GPC5: variants seen among roughly 807,000 people sequenced by gnomAD.
The protein encoded by GPC5 is glypican-5.
A neutral mutation model predicts 53.9 loss-of-function variants in GPC5; 47 were observed. The ratio of observed to expected loss-of-function variants is 0.87; its 90% CI spans 0.69 to 1.11. GPC5 has a LOEUF of 1.11. Ranked by LOEUF, GPC5 falls within the 50% of genes most tolerant of loss-of-function variation. The pLI is 0.00. For missense variants in GPC5, 748 were observed against 713.1 expected (o/e 1.05, Z -0.56); for synonymous variants, 286 against 263.3 (o/e 1.09, Z -0.84).
intron 2 of GPC5, among the ~76,000 whole-genome samples, chr13:91,622,621 G>A (rs983203631): frequency 6.6e-6 from 1 of 152,070 alleles, no homozygotes; most frequent in Non-Finnish European, 1.5e-5. Context: ...ACTAAGTCAA[G>A]AAAGCTGATC....
intron 7 of GPC5, among the ~76,000 whole-genome samples, chr13:92,559,895 A>G (rs1190628277): frequency 6.6e-6 from 1 of 151,182 alleles, no homozygotes; most frequent in African/African-American, 2.4e-5. Context: ...CATCACACAA[A>G]GGAACATGAA....
chr13:92,752,349 T>TTAGAG (rs1889426848), intron 7 of GPC5, among the ~76,000 whole-genome samples: 1 of 152,062 alleles, frequency 6.6e-6, no homozygotes, highest in Admixed American at 6.5e-5. Context: ...AACCAATGCT[T>TTAGAG]TAGAGTAAAA....
intron 7 of GPC5, among the ~76,000 whole-genome samples, chr13:92,356,963 T>C (rs962960852): frequency 6.6e-6 from 1 of 152,200 alleles, no homozygotes; most frequent in South Asian, 2.1e-4. Flanking sequence ...TGAGAACATG[T>C]GGAATTTGGT....
At position 92,521,397 on chromosome 13, in the gene GPC5, C is replaced by T. The variant is rs183325561; in HGVS notation, c.1562-344885C>T. The stretch of plus-strand genomic sequence containing the variant: ...AACTACACTACAAGGCTACAGTAAC[C>T]GAAACAGCATGGTACTCGTACCAAA... On this transcript the variant is annotated intron_variant, in intron 7 of 7. Transcript: ENST00000377067. 1.5e-4 allele frequency among the ~76,000 whole-genome samples: 23 copies of T among 152,254 alleles called. No homozygotes were observed. The East Asian group carries it at 2.7e-3, about 18-fold the overall frequency.
intron 7 of GPC5, among the ~76,000 whole-genome samples, chr13:92,842,554 G>T (rs1043487105): frequency 6.6e-6 from 1 of 151,558 alleles, no homozygotes; most frequent in Non-Finnish European, 1.5e-5. Flanking sequence ...ATGAACAACT[G>T]ATCAGAGCCT....
At chr13:92,348,243 C>G (rs2043444352) in intron 7 of GPC5, among the ~76,000 whole-genome samples, 1 of 151,348 alleles carries the variant, frequency 6.6e-6, no homozygotes, top group Non-Finnish European at 1.5e-5. Context: ...TATTTTAGGA[C>G]ACACACAGAC....
At chr13:92,853,758 G>C (rs971126555) in intron 7 of GPC5, among the ~76,000 whole-genome samples, 1 of 152,072 alleles carries the variant, frequency 6.6e-6, no homozygotes, top group Non-Finnish European at 1.5e-5. Flanking sequence ...AGACACAACA[G>C]AGAAAATGAA....
intron 7 of GPC5, among the ~76,000 whole-genome samples, chr13:92,628,248 C>CTTTTTTTTTTTTTTTTTTTT (rs1885110453): frequency 1.6e-5 from 1 of 63,816 alleles, no homozygotes; most frequent in African/African-American, 5.1e-5. Flanking sequence ...ATTTTCTTTT[C>CTTTTTTTTTTTTTTTTTTTT]TTTTTCTTTT....
intron 2 of GPC5, among the ~76,000 whole-genome samples, chr13:91,597,612 T>A (rs1394639415): frequency 6.6e-6 from 1 of 152,220 alleles, no homozygotes; most frequent in Non-Finnish European, 1.5e-5. Flanking sequence ...TCACTAAGTT[T>A]GAACCCACAT....
At chr13:91,896,770 A>AG (rs1367894690) in intron 5 of GPC5, among the ~76,000 whole-genome samples, 1 of 152,196 alleles carries the variant, frequency 6.6e-6, no homozygotes, top group Non-Finnish European at 1.5e-5. Context: ...TACCACTATT[A>AG]GGAATCTAAA....
chr13:91,923,014 A>G (rs1403659806), intron 6 of GPC5, among the ~76,000 whole-genome samples: 1 of 152,210 alleles, frequency 6.6e-6, no homozygotes, highest in Non-Finnish European at 1.5e-5. Context: ...CCGGTAAACC[A>G]GATTTTCTAT....
At chr13:92,674,888 G>GA (rs1052528844) in intron 7 of GPC5, among the ~76,000 whole-genome samples, 2 of 151,128 alleles carry the variant, frequency 1.3e-5, no homozygotes, top group East Asian at 2.0e-4. Context: ...TCAAAATATA[G>GA]AAAAAAAGAG....
chr13:92,269,906 T>C (rs2042828350), intron 7 of GPC5, among the ~76,000 whole-genome samples: 1 of 152,202 alleles, frequency 6.6e-6, no homozygotes, highest in Non-Finnish European at 1.5e-5. Flanking sequence ...TTCTCATTTA[T>C]GTTGCTAATT....
At chr13:91,481,716 G>A (rs1306124899) in intron 2 of GPC5, among the ~76,000 whole-genome samples, 1 of 152,162 alleles carries the variant, frequency 6.6e-6, no homozygotes, top group Non-Finnish European at 1.5e-5. Flanking sequence ...TGATCTCATA[G>A]CACCTAGTTT....
intron 6 of GPC5, among the ~76,000 whole-genome samples, chr13:92,096,368 T>C (rs2041422299): frequency 6.6e-6 from 1 of 152,208 alleles, no homozygotes; most frequent in African/African-American, 2.4e-5. Context: ...TGGATGTAAC[T>C]CTTATTCAAC....
At chr13:91,828,210 TG>T (rs1405040723) in intron 5 of GPC5, among the ~76,000 whole-genome samples, 7 of 152,208 alleles carry the variant, frequency 4.6e-5, no homozygotes, top group African/African-American at 1.7e-4. Flanking sequence ...TTATAGATTA[TG>T]GGAGTGTGCA....
At chr13:92,753,218 G>A (rs1208263309) in intron 7 of GPC5, among the ~76,000 whole-genome samples, 5 of 152,150 alleles carry the variant, frequency 3.3e-5, no homozygotes, top group Non-Finnish European at 2.9e-5. Context: ...GCACCCCCCA[G>A]CAGGGGCACA....
At chr13:92,681,302 A>C (rs981326049) in intron 7 of GPC5, among the ~76,000 whole-genome samples, 1 of 151,898 alleles carries the variant, frequency 6.6e-6, no homozygotes, top group African/African-American at 2.4e-5. Context: ...AAATTGGTAC[A>C]CAGGCCTATC....
intron 4 of GPC5, among the ~76,000 whole-genome samples, chr13:91,732,059 T>C (rs1395365848): frequency 6.6e-6 from 1 of 152,202 alleles, no homozygotes; most frequent in Non-Finnish European, 1.5e-5. Context: ...AGTAGTGGGA[T>C]TGTTGGGTCA....
Sources: gnomAD v4.1 joint callset for allele counts (sites outside exome capture counted in the v4.1 genomes callset) on GRCh38, gnomAD v4.1.1 for gene constraint, MANE v1.5 for transcripts, NCBI Gene and HGNC (gene_info 2026-07-23, HGNC 2026-07-21) for gene names.